The following ST6GAL2 variants were observed in gnomAD, a reference collection of about 807,000 sequenced individuals.
ST6GAL2 encodes the protein beta-galactoside alpha-2,6-sialyltransferase 2.
In ST6GAL2, 24 loss-of-function variants were observed where a neutral mutation model predicts 37.5. The observed-to-expected ratio is 0.64, with a 90% CI of 0.46 to 0.90. ST6GAL2 has a LOEUF of 0.90. Ranked by LOEUF, ST6GAL2 falls within the 40% of genes least tolerant of loss-of-function variation. The probability of loss-of-function intolerance (pLI) is 0.00; values close to 1 mark genes in which losing one functional copy is unlikely to be tolerated. For synonymous variants in ST6GAL2, 306 were observed against 295.1 expected (o/e 1.04, Z -0.38); for missense variants, 715 against 712.7 (o/e 1.00, Z -0.04).
chr2:106,850,889 T>C (rs1052837881), intron 1 of ST6GAL2, among the ~76,000 whole-genome samples: 1 of 152,206 alleles, frequency 6.6e-6, no homozygotes, highest in Admixed American at 6.5e-5. Context: ...TGGTGTGATA[T>C]AAATGACATC....
rs1337261863 is a variant in ST6GAL2 at position 106,812,178 on chromosome 2, A to G, written c.1319-5229T>C. 2.0e-5 allele frequency among the ~76,000 whole-genome samples: 3 copies of G among 152,246 alleles called. No individual in the cohort carries two copies. In the East Asian group the frequency reaches 5.8e-4, roughly 29 times the overall value. ...GTTGTGGAGATGATTTCTCTCTGCA[A>G]TAACACCATGTGTGGAACCAGCAAG... On this transcript the variant is annotated intron_variant, in intron 5 of 5. Coordinates refer to ENST00000409382, the MANE Select transcript of ST6GAL2 (RefSeq NM_001142351.2).
chr2:106,820,206 A>G (rs924289867), intron 5 of ST6GAL2, among the ~76,000 whole-genome samples: 1 of 152,076 alleles, frequency 6.6e-6, no homozygotes, highest in East Asian at 1.9e-4. Flanking sequence ...AGACCCAATG[A>G]TCTATTGCCT....
intron 2 of ST6GAL2, among the ~76,000 whole-genome samples, chr2:106,840,748 T>C (rs1376651234): frequency 6.6e-6 from 1 of 152,166 alleles, no homozygotes; most frequent in East Asian, 1.9e-4. Flanking sequence ...TAAACAGAGT[T>C]TACAAGATTC....
intron 2 of ST6GAL2, among the ~76,000 whole-genome samples, chr2:106,839,904 A>G (rs2104504277): frequency 6.6e-6 from 1 of 152,380 alleles, no homozygotes; most frequent in South Asian, 2.1e-4. Flanking sequence ...TTTGTTTTTC[A>G]ATAACACATT....
At chr2:106,825,945 C>T (rs940425461) in intron 5 of ST6GAL2, among the ~76,000 whole-genome samples, 1 of 152,154 alleles carries the variant, frequency 6.6e-6, no homozygotes, top group Non-Finnish European at 1.5e-5. Flanking sequence ...AGTAACAAGG[C>T]CTTGAATTGC....
intron 5 of ST6GAL2, among the ~76,000 whole-genome samples, chr2:106,818,135 A>AG (rs1408622210): frequency 6.6e-6 from 1 of 152,202 alleles, no homozygotes; most frequent in Non-Finnish European, 1.5e-5. Flanking sequence ...ACCTGGGGCC[A>AG]GGGGGAACTC....
At chr2:106,881,533 GTCA>G (rs1221983606) in intron 1 of ST6GAL2, among the ~76,000 whole-genome samples, 2 of 152,106 alleles carry the variant, frequency 1.3e-5, no homozygotes, top group Non-Finnish European at 2.9e-5. Flanking sequence ...TTTCAGAAAA[GTCA>G]TCATTACACT....
At chr2:106,845,828 C>T (rs946825807) in intron 1 of ST6GAL2, among the ~76,000 whole-genome samples, 4 of 152,152 alleles carry the variant, frequency 2.6e-5, no homozygotes, top group Non-Finnish European at 5.9e-5. Context: ...ACTGCTTGGA[C>T]TAGTAGAATA....
At chr2:106,858,795 C>T (rs1457014557) in intron 1 of ST6GAL2, among the ~76,000 whole-genome samples, 1 of 152,130 alleles carries the variant, frequency 6.6e-6, no homozygotes, top group East Asian at 1.9e-4. Context: ...CTCTGCACCT[C>T]TGCATCTTAG....
In ST6GAL2 at chr2:106,802,602, A is replaced by C. The variant is rs1675292751; in HGVS notation, c.*4076T>G. On this transcript the variant is annotated 3_prime_UTR_variant, in exon 6 of 6. Transcript: ENST00000409382. The stretch of plus-strand genomic sequence containing the variant: ...AATAATCTCATAAGAGAATATCCAG[A>C]GATAAAAGACAAGTTGAAACTCAGG... The C allele has an allele frequency of 1.3e-5, 2 of 152,220 alleles. No homozygotes were observed. The highest frequency in any genetic ancestry group is 3.8e-4 in the East Asian group (2 of 5,202). 9.4% of individuals were successfully genotyped at this position (152,220 alleles called of 1,614,324 possible). A position where few individuals can be genotyped will look rare whatever the true frequency, so the allele number is the denominator to read the frequency against.
chr2:106,809,028 CA>C (rs913897377), intron 5 of ST6GAL2, among the ~76,000 whole-genome samples: 2 of 152,102 alleles, frequency 1.3e-5, no homozygotes, highest in Non-Finnish European at 1.5e-5. Flanking sequence ...AAACAACCCA[CA>C]AAAAAACCTT....
intron 5 of ST6GAL2, among the ~76,000 whole-genome samples, chr2:106,821,414 A>G (rs1305106173): frequency 6.6e-6 from 1 of 151,034 alleles, no homozygotes; most frequent in Non-Finnish European, 1.5e-5. Context: ...TAAATTGGAA[A>G]ACCTAGAAAA....
chr2:106,830,327 G>T (rs1195637953), intron 4 of ST6GAL2, 87 bp from the exon 5 acceptor site: 7 of 1,054,688 alleles, frequency 6.6e-6, no homozygotes, highest in African/African-American at 1.6e-5. Context: ...TGAGGCAGAG[G>T]GGCCAGGCTG....
chr2:106,813,193 A>C (rs1213512101), intron 5 of ST6GAL2: 1 of 1,370,152 alleles, frequency 7.3e-7, no homozygotes, highest in Non-Finnish European at 9.5e-7. Context: ...GCTCACTGCA[A>C]GCTCTGATAT....
At chr2:106,887,133 C>T (rs1679038212), upstream of ST6GAL2, 1 of 152,404 alleles carries the variant, frequency 6.6e-6, no homozygotes. Context: ...CCCTGTCCAA[C>T]ACCTCCCCCC....
chr2:106,829,975 T>C, intron 5 of ST6GAL2, 91 bp downstream of exon 5: 1 of 1,248,988 alleles, frequency 8.0e-7, no homozygotes, highest in Non-Finnish European at 1.1e-6. Context: ...TAAGGTATTT[T>C]CAACCTGTAT....
intron 1 of ST6GAL2, among the ~76,000 whole-genome samples, chr2:106,879,730 GACCA>G (rs1678664232): frequency 6.2e-5 from 9 of 146,102 alleles, no homozygotes; most frequent in South Asian, 4.3e-4. Flanking sequence ...TTATTATATA[GACCA>G]ATTATATATT....
chr2:106,854,041 T>G (rs1359489481), intron 1 of ST6GAL2, among the ~76,000 whole-genome samples: 5 of 152,198 alleles, frequency 3.3e-5, no homozygotes, highest in African/African-American at 1.2e-4. Context: ...ACTAAGAAGA[T>G]GGAAGATGTA....
intron 1 of ST6GAL2, among the ~76,000 whole-genome samples, chr2:106,865,436 C>T (rs549231677): frequency 9.2e-5 from 14 of 152,296 alleles, no homozygotes; most frequent in African/African-American, 3.1e-4. Context: ...GTGATACTGA[C>T]GTGCTGTACA....
Sources: gnomAD v4.1 joint callset for allele counts (sites outside exome capture counted in the v4.1 genomes callset) on GRCh38, gnomAD v4.1.1 for gene constraint, MANE v1.5 for transcripts, NCBI Gene and HGNC (gene_info 2026-07-23, HGNC 2026-07-21) for gene names.